The following ABR variants were observed in gnomAD, a reference collection of about 807,000 sequenced individuals.
ABR encodes the protein active breakpoint cluster region-related protein.
A neutral mutation model predicts 107.2 loss-of-function variants in ABR; 35 were observed. That is an observed-to-expected ratio of 0.33 (90% CI 0.25 to 0.43). The LOEUF is 0.43. Among genes scored for constraint, ABR ranks in the 20% least tolerant of loss-of-function variants. The probability of loss-of-function intolerance (pLI) is 1.00; values close to 1 mark genes in which losing one functional copy is unlikely to be tolerated. For missense variants in ABR, 815 were observed against 1,115.2 expected, an observed-to-expected ratio of 0.73 and a Z score of 3.83; for synonymous variants, 498 against 462.0, an observed-to-expected ratio of 1.08 and a Z score of -1.00.
intron 1 of ABR, among the ~76,000 whole-genome samples, chr17:1,152,467 T>G (rs1046741217): frequency 2.7e-5 from 4 of 150,592 alleles, no homozygotes; most frequent in African/African-American, 9.8e-5. Flanking sequence ...GGTGCGTGCC[T>G]GTAATCTCAG....
chr17:1,204,274 G>T (rs968780215), intron 1 of ABR, among the ~76,000 whole-genome samples: 3 of 152,184 alleles, frequency 2.0e-5, no homozygotes, highest in Admixed American at 6.6e-5. Context: ...GTGAAACCCC[G>T]TCTCTACTAA....
chr17:1,112,246 C>T (rs964231402), intron 2 of ABR, among the ~76,000 whole-genome samples: 1 of 152,188 alleles, frequency 6.6e-6, no homozygotes, highest in Non-Finnish European at 1.5e-5. Context: ...CTCAGGCTCT[C>T]GATCCGTCTG....
rs200429353 is a variant in ABR at position 1,170,008 on chromosome 17, G to GT, written c.61+9658_61+9659insA. Among the ~76,000 whole-genome samples the GT allele has an allele frequency of 9.8e-3, 1,044 of 106,734 alleles. 22 individuals carry two copies. The highest frequency in any genetic ancestry group is 0.032 in the African/African-American group (826 of 25,576). 70.0% of individuals were successfully genotyped at this position (106,734 alleles called of 152,430 possible). ...TGTTTGTGTTTGTGTGTGTGTGTGTGGGGGGGGGGTGTGTTTGTGTATGTT... is the reference window on the plus strand; with the variant it reads ...TGTTTGTGTTTGTGTGTGTGTGTGTGTGGGGGGGGGTGTGTTTGTGTATGTT... On this transcript the variant is annotated intron_variant, in intron 1 of 22. Coordinates refer to ENST00000302538, the MANE Select transcript of ABR (RefSeq NM_021962.5).
At chr17:1,012,561 C>T (rs1419953887) in intron 18 of ABR, 127 bp downstream of exon 18, 2 of 748,042 alleles carry the variant, frequency 2.7e-6, no homozygotes, top group Non-Finnish European at 4.7e-6. Flanking sequence ...CGGCCATCTG[C>T]CACCGCCGAG....
At chr17:1,110,583 A>AC (rs1207174376) in intron 2 of ABR, among the ~76,000 whole-genome samples, 1 of 152,022 alleles carries the variant, frequency 6.6e-6, no homozygotes, top group Non-Finnish European at 1.5e-5. Flanking sequence ...AATGAACCAC[A>AC]CCTGTGGCCC....
chr17:1,188,194 C>G (rs1012206501), upstream of ABR, among the ~76,000 whole-genome samples: 86 of 151,560 alleles, frequency 5.7e-4, no homozygotes, highest in African/African-American at 1.9e-3. Flanking sequence ...GGAGACAGAG[C>G]GAGACCCTGT....
intron 2 of ABR, among the ~76,000 whole-genome samples, chr17:1,103,591 G>A (rs193048858): frequency 6.6e-6 from 1 of 152,282 alleles, no homozygotes; most frequent in African/African-American, 2.4e-5. Flanking sequence ...GACCCTGGAA[G>A]CCCTGTAATC....
rs148267918 is a variant in ABR at position 1,084,015 on chromosome 17, G to C, written c.532-388C>G. Among the ~76,000 whole-genome samples the C allele has an allele frequency of 4.1e-3, 625 of 152,268 alleles. 4 individuals carry two copies. The highest frequency in any genetic ancestry group is 0.014 in the African/African-American group (586 of 41,548). On this transcript the variant is annotated intron_variant, in intron 4 of 22. Transcript: ENST00000302538. This position sits in a 1 kb window ranked among gnomAD's most constrained non-coding sequence, Gnocchi z 4.2. ...TGGAATTAGCCGGAGCAGGGAGAGA[G>C]GGGGGTGTGTGTGCTGGGGGGAGCT... is the stretch of plus-strand genomic sequence containing the variant.
intron 1 of ABR, among the ~76,000 whole-genome samples, chr17:1,192,723 G>A (rs956081905): frequency 1.3e-5 from 2 of 151,926 alleles, no homozygotes; most frequent in African/African-American, 4.8e-5. Flanking sequence ...GACCAGCCTG[G>A]CCAACATGGT....
chr17:1,134,916 C>T (rs2039990484), intron 1 of ABR, among the ~76,000 whole-genome samples: 1 of 152,220 alleles, frequency 6.6e-6, no homozygotes, highest in African/African-American at 2.4e-5. Flanking sequence ...AAACGGGGGA[C>T]GACACAGGAT....
intron 2 of ABR, chr17:1,115,528 T>C (rs1030911138): frequency 6.6e-6 from 1 of 152,632 alleles, no homozygotes; most frequent in Non-Finnish European, 1.5e-5. Flanking sequence ...CAGCCACAGA[T>C]GGGACTGGAT....
chr17:1,176,780 G>A (rs188661045), intron 1 of ABR, among the ~76,000 whole-genome samples: 1 of 152,100 alleles, frequency 6.6e-6, no homozygotes, highest in Admixed American at 6.5e-5. Context: ...CCAGGAGGTG[G>A]AGGTTGCAGT....
rs1465158560 is a variant in ABR at position 1,200,934 on chromosome 17, G to C, written c.838+27859C>G. On this transcript the variant is annotated intron_variant, in intron 1 of 22. Transcript: ENST00000574139. The surrounding 1 kb of genome is among the most constrained non-coding windows in gnomAD (Gnocchi z 4.1). The stretch of plus-strand genomic sequence containing the variant: ...CTTAGAGACTGGGAGAAAGCCTTGG[G>C]GTTGGCCAGGGACACCCACCTGCCT... Among the ~76,000 whole-genome samples the C allele has an allele frequency of 6.6e-6, 1 of 152,146 alleles. No homozygotes were observed. The highest frequency in any genetic ancestry group is 1.5e-5 in the Non-Finnish European group (1 of 68,044).
At chr17:1,094,857 A>AGAGAG (rs71872555) in intron 3 of ABR, among the ~76,000 whole-genome samples, 32,984 of 151,798 alleles carry the variant, frequency 0.22, 3,797 homozygotes, top group Admixed American at 0.28. Context: ...GTGGGGGCGT[A>AGAGAG]GAGAGGCATG....
rs71148428 is a variant in ABR, at chr17:1,083,262, ATTTT to A, written c.639+254_639+257del. 689 of 101,098 alleles carry A rather than the reference ATTTT, an allele frequency of 6.8e-3. 2 individuals are homozygous for A. The highest frequency in any genetic ancestry group is 0.019 in the African/African-American group (537 of 27,604). The allele number at this position is 101,098 out of a possible 1,614,324, so 6.3% of individuals were successfully genotyped here. On this transcript the variant is annotated intron_variant, in intron 5 of 22. Transcript: ENST00000302538. ...GTGGTGTGGGAGAACACTGCCTTGG[ATTTT>A]TTTTTTTTTTTTTTTTTTTTGCCTC...
Position 1,179,770 on chromosome 17 carries a change from C to A in ABR, c.-43G>T. The A allele has an allele frequency of 7.5e-7, 1 of 1,341,766 alleles. No homozygotes were observed. 83.1% of individuals were successfully genotyped at this position (1,341,766 alleles called of 1,614,324 possible). On this transcript the variant is annotated 5_prime_UTR_variant, in exon 1 of 23. Coordinates refer to ENST00000302538, the MANE Select transcript of ABR (RefSeq NM_021962.5). This position sits in a 1 kb window ranked among gnomAD's most constrained non-coding sequence, Gnocchi z 4.9. Reference sequence around the variant, plus strand: ...GTCAGATCCGAAACCCGACCCTCATCGCGCAACAAAGGAGGGAGAGCGGGC... The same window carrying A: ...GTCAGATCCGAAACCCGACCCTCATAGCGCAACAAAGGAGGGAGAGCGGGC...
chr17:1,009,584 CGAG>C (rs1567558030), intron 21 of ABR, 92 bp downstream of exon 21: 1 of 1,007,806 alleles, frequency 9.9e-7, no homozygotes, highest in East Asian at 2.5e-5. Context: ...TACCTTTTCA[CGAG>C]GAGGGACTGA....
intron 3 of ABR, among the ~76,000 whole-genome samples, chr17:1,097,457 G>A (rs1008537765): frequency 1.3e-5 from 2 of 151,994 alleles, no homozygotes; most frequent in Non-Finnish European, 2.9e-5. Flanking sequence ...TGGGCGTGGT[G>A]GTGGGTGCCT....
upstream of ABR, among the ~76,000 whole-genome samples, chr17:1,180,272 G>A (rs2042090474): frequency 6.6e-6 from 1 of 152,044 alleles, no homozygotes; most frequent in Non-Finnish European, 1.5e-5. Flanking sequence ...CAGGTGCCGT[G>A]GGGGGCCCGG....
Sources: gnomAD v4.1 joint callset for allele counts (sites outside exome capture counted in the v4.1 genomes callset) on GRCh38, gnomAD v4.1.1 for gene constraint, Gnocchi (gnomAD v3.1) non-coding constraint, MANE v1.5 for transcripts, NCBI Gene and HGNC (gene_info 2026-07-23, HGNC 2026-07-21) for gene names.